Variants in INSM1 observed in about 807,000 individuals in gnomAD.
INSM1 encodes the protein INSM transcriptional repressor 1.
Under a neutral mutation model 21.1 loss-of-function variants are expected in INSM1, and 11 were observed. The observed-to-expected ratio is 0.52, with a 90% CI of 0.33 to 0.86. INSM1 has a LOEUF of 0.86. INSM1 is among the 40% of genes least tolerant of loss of function. INSM1 has a pLI of 0.03. For missense variants in INSM1, 843 were observed against 760.1 expected, an observed-to-expected ratio of 1.11 and a Z score of -1.28; for synonymous variants, 473 against 386.1, an observed-to-expected ratio of 1.23 and a Z score of -2.64.
Position 20,369,188 on chromosome 20 carries a change from G to T in INSM1, c.921G>T (p.Pro307=). 1.3e-6 allele frequency: 2 copies of T among 1,556,554 alleles called. No individual in the cohort carries two copies. Among genetic ancestry groups the T allele is most frequent in the Non-Finnish European group, 8.6e-7 (1 of 1,158,256 alleles). ...AGTGCGCCAAGGTCTTCAGCTGCCC[G>T]GCCAACCTGGCCTCGCACCGCCGCT... ...CPECAKVFSC[P]ANLASHRRWH... The change falls in exon 1 of 1, where the codon CCG becomes CCT. Residue 307 remains proline, a synonymous_variant. Coordinates refer to ENST00000310227, the MANE Select transcript of INSM1 (RefSeq NM_002196.3). This position sits in a 1 kb window ranked among gnomAD's most constrained non-coding sequence, Gnocchi z 5.6.
Position 20,368,382 on chromosome 20 carries a change from G to A in INSM1, c.115G>A (p.Ala39Thr). 9.4e-7 allele frequency: 1 copy of A among 1,064,592 alleles called. No homozygotes were observed. The allele number at this position is 1,064,592 out of a possible 1,614,324, so 65.9% of individuals were successfully genotyped here. ...GCTGCTCTCGCCCAGCTGCGGGGGC[G>A]CCCGCGCCGAGCCCCCGGCGCCGAG... ...ALLLSPSCGG[A>T]RAEPPAPSPV... Residue 39 changes from alanine to threonine, a missense_variant, in exon 1 of 1, where the codon GCC (alanine) becomes ACC (threonine). Transcript: ENST00000310227. The surrounding 1 kb of genome is among the most constrained non-coding windows in gnomAD (Gnocchi z 4.3).
Position 20,369,611 on chromosome 20 carries a change from G to A in INSM1, c.1344G>A (p.Glu448=), listed in dbSNP as rs764643353. Residue 448 remains glutamate, a synonymous_variant, in exon 1 of 1, where the codon GAG becomes GAA. Transcript: ENST00000310227. This position sits in a 1 kb window ranked among gnomAD's most constrained non-coding sequence, Gnocchi z 5.6. ...GCCACCTGTGCCCAGTGTGCGGAGA[G>A]TCGTTCGCCAGCAAGGGCGCTCAGG... ...AECHLCPVCG[E]SFASKGAQER... The A allele has an allele frequency of 1.2e-6, 2 of 1,600,744 alleles. No individual in the cohort carries two copies. The highest frequency in any genetic ancestry group is 2.2e-5 in the South Asian group (2 of 91,032).
At position 20,368,246 on chromosome 20, in the gene INSM1, C is replaced by A; in HGVS notation, c.-22C>A. On this transcript the variant is annotated 5_prime_UTR_variant, in exon 1 of 1. Transcript: ENST00000310227. This position sits in a 1 kb window ranked among gnomAD's most constrained non-coding sequence, Gnocchi z 4.3. ...CGCGGAGGGGGGACCGAGCCAGTGCCGTGCCCTCGGGCCGCGCCAACATGC... is the reference window on the plus strand; with the variant it reads ...CGCGGAGGGGGGACCGAGCCAGTGCAGTGCCCTCGGGCCGCGCCAACATGC... 8.3e-7 allele frequency: 1 copy of A among 1,198,420 alleles called. No homozygotes were observed. The allele number at this position is 1,198,420 out of a possible 1,614,324, so 74.2% of individuals were successfully genotyped here. A position where few individuals can be genotyped will look rare whatever the true frequency, so the allele number is the denominator to read the frequency against.
Position 20,369,320 on chromosome 20 carries a change from G to T in INSM1, c.1053G>T (p.Thr351=). 7.0e-7 allele frequency: 1 copy of T among 1,423,098 alleles called. No individual in the cohort carries two copies. Among genetic ancestry groups the T allele is most frequent in the Non-Finnish European group, 9.1e-7 (1 of 1,100,396 alleles). The allele number at this position is 1,423,098 out of a possible 1,614,324, so 88.2% of individuals were successfully genotyped here. Residue 351 remains threonine, a synonymous_variant, in exon 1 of 1, where the codon ACG becomes ACT. Coordinates refer to ENST00000310227, the MANE Select transcript of INSM1 (RefSeq NM_002196.3). This position sits in a 1 kb window ranked among gnomAD's most constrained non-coding sequence, Gnocchi z 5.6. ...EAPGGGSDRD[T]PSPGGVSESG... is the part of the protein sequence containing the mutation. ...CCGGCGGCGGCAGCGACCGGGACAC[G>T]CCGAGCCCCGGCGGCGTGTCCGAGT...
chr20:20,370,669 T>A lies in INSM1; in HGVS notation c.*869T>A, dbSNP rs1156540682. The A allele has an allele frequency of 6.0e-6, 1 of 167,072 alleles. No individual in the cohort carries two copies. The allele number at this position is 167,072 out of a possible 1,614,324, so 10.3% of individuals were successfully genotyped here. On this transcript the variant is annotated 3_prime_UTR_variant, in exon 1 of 1. Transcript: ENST00000310227. ...TGCCCCCTCCCCACCCTGCCACTCT[T>A]GACATTCCACTGTGCGTTTTAGAAG...
chr20:20,369,589 A>T lies in INSM1; in HGVS notation c.1322A>T (p.His441Leu). The T allele has an allele frequency of 6.3e-7, 1 of 1,599,734 alleles. No homozygotes were observed. The highest frequency in any genetic ancestry group is 8.5e-7 in the Non-Finnish European group (1 of 1,179,262). Reference protein sequence around the residue: ...VLGLSASAECHLCPVCGESFA... With the variant: ...VLGLSASAECLLCPVCGESFA... The stretch of plus-strand genomic sequence containing the variant: ...GGCCTGAGTGCGTCCGCCGAGTGCC[A>T]CCTGTGCCCAGTGTGCGGAGAGTCG... The change falls in exon 1 of 1, where the codon CAC (histidine) becomes CTC (leucine). Residue 441 changes from histidine to leucine, a missense_variant. By Grantham distance (99) the His-to-Leu change is moderately conservative (BLOSUM62 -3). Transcript: ENST00000310227. This position sits in a 1 kb window ranked among gnomAD's most constrained non-coding sequence, Gnocchi z 5.6.
In INSM1 at chr20:20,369,741, C is replaced by A. The variant is rs752000823; in HGVS notation, c.1474C>A (p.His492Asn). The A allele has an allele frequency of 1.2e-6, 2 of 1,603,132 alleles. No individual in the cohort carries two copies. Among genetic ancestry groups the A allele is most frequent in the African/African-American group, 1.3e-5 (1 of 75,004 alleles). ...PGLTRHINKC[H>N]PSENRQVILL... ...CCTTACGCGGCACATCAACAAGTGC[C>A]ACCCATCCGAAAACAGACAGGTGAT... The change falls in exon 1 of 1, where the codon CAC becomes AAC. Residue 492 changes from histidine to asparagine, a missense_variant. Transcript: ENST00000310227. The surrounding 1 kb of genome is among the most constrained non-coding windows in gnomAD (Gnocchi z 5.6).
rs1159564415 is a variant in INSM1 at position 20,369,056 on chromosome 20, G to A, written c.789G>A (p.Pro263=). The change falls in exon 1 of 1, where the codon CCG becomes CCA. Residue 263 remains proline (P), a synonymous_variant. Coordinates refer to ENST00000310227, the MANE Select transcript of INSM1 (RefSeq NM_002196.3). This position sits in a 1 kb window ranked among gnomAD's most constrained non-coding sequence, Gnocchi z 5.6. ...PRGRAGGAAR[P]LGEFICQLCK... ...GCCGCGCGGGGGGCGCGGCGCGGCC[G>A]CTGGGCGAGTTCATCTGCCAGCTGT... is the stretch of plus-strand genomic sequence containing the variant. 3 of 1,564,394 alleles carry A rather than the reference G, an allele frequency of 1.9e-6. No individual in the cohort carries two copies. The highest frequency in any genetic ancestry group is 1.4e-5 in the African/African-American group (1 of 70,928).
rs1327227796 is a variant in INSM1, at chr20:20,369,520, C to T, written c.1253C>T (p.Ala418Val). 4.5e-6 allele frequency: 7 copies of T among 1,551,412 alleles called. No individual in the cohort carries two copies. In the South Asian group the frequency reaches 4.7e-5, roughly 10 times the overall value. Residue 418 changes from alanine to valine, a missense_variant, in exon 1 of 1, where the codon GCG becomes GTG. By Grantham distance (64) the Ala-to-Val change is moderately conservative. Transcript: ENST00000310227. This position sits in a 1 kb window ranked among gnomAD's most constrained non-coding sequence, Gnocchi z 5.6. ...TTGTACCCCGGGCCCGACGAGAAGG[C>T]GCCCCAGGAGGCGGCCGGCGACGGC... ...LALYPGPDEK[A>V]PQEAAGDGEG...
rs1038764184 is a variant in INSM1 at position 20,370,549 on chromosome 20, A to G, written c.*749A>G. ...GACTATCAGTTCCCTCTAAATGTATATGTTGATTTATGAGTAATTGTTATT... is the reference window on the plus strand; with the variant it reads ...GACTATCAGTTCCCTCTAAATGTATGTGTTGATTTATGAGTAATTGTTATT... On this transcript the variant is annotated 3_prime_UTR_variant, in exon 1 of 1. Coordinates refer to ENST00000310227, the MANE Select transcript of INSM1 (RefSeq NM_002196.3). 6.0e-6 allele frequency: 1 copy of G among 167,000 alleles called. No individual in the cohort carries two copies. The highest frequency in any genetic ancestry group is 1.5e-5 in the Non-Finnish European group (1 of 68,116). The allele number at this position is 167,000 out of a possible 1,614,324, so 10.3% of individuals were successfully genotyped here.
Position 20,368,126 on chromosome 20 carries a change from C to A in INSM1, c.-142C>A. The A allele has an allele frequency of 2.0e-6, 1 of 512,636 alleles. No individual in the cohort carries two copies. Among genetic ancestry groups the A allele is most frequent in the Non-Finnish European group, 2.6e-6 (1 of 388,588 alleles). 31.8% of individuals were successfully genotyped at this position (512,636 alleles called of 1,614,324 possible). A position where few individuals can be genotyped will look rare whatever the true frequency, so the allele number is the denominator to read the frequency against. On this transcript the variant is annotated 5_prime_UTR_variant, in exon 1 of 1. Coordinates refer to ENST00000310227, the MANE Select transcript of INSM1 (RefSeq NM_002196.3). This position sits in a 1 kb window ranked among gnomAD's most constrained non-coding sequence, Gnocchi z 4.3. The stretch of plus-strand genomic sequence containing the variant: ...GGGACAGGGACGCGCGTGCAGGGCG[C>A]AGAGCTGGGCCGAGCCGTCGCCGGC...
Position 20,368,984 on chromosome 20 carries a change from C to G in INSM1, c.717C>G (p.Pro239=), listed in dbSNP as rs750450862. ...TCGAGGACGAGGTGACCACGTCGCCCGTGCTGGGGCTCAAGATCAAGGAGG... is the reference window on the plus strand; with the variant it reads ...TCGAGGACGAGGTGACCACGTCGCCGGTGCTGGGGCTCAAGATCAAGGAGG... The part of the protein sequence containing the change: ...LHFEDEVTTS[P]VLGLKIKEGP... The change falls in exon 1 of 1, where the codon CCC becomes CCG. Residue 239 remains proline, a synonymous_variant. Coordinates refer to ENST00000310227, the MANE Select transcript of INSM1 (RefSeq NM_002196.3). This position sits in a 1 kb window ranked among gnomAD's most constrained non-coding sequence, Gnocchi z 4.3. 5.8e-6 allele frequency: 9 copies of G among 1,548,242 alleles called. No individual in the cohort carries two copies. The highest frequency in any genetic ancestry group is 7.8e-6 in the Non-Finnish European group (9 of 1,150,042).
rs767591134 is a variant in INSM1 at position 20,368,647 on chromosome 20, C to T, written c.380C>T (p.Ser127Leu). ...AGCTTCAACCTGGGCTCGCCGGTCT[C>T]GGCCGAGTCCTTCCCCACGCCCGCC... The part of the protein sequence containing the change: ...ERSFNLGSPV[S>L]AESFPTPAAL... Residue 127 changes from serine to leucine, a missense_variant, in exon 1 of 1, where the codon TCG becomes TTG. By Grantham distance (145) the Ser-to-Leu change is moderately radical. Coordinates refer to ENST00000310227, the MANE Select transcript of INSM1 (RefSeq NM_002196.3). This position sits in a 1 kb window ranked among gnomAD's most constrained non-coding sequence, Gnocchi z 4.3. The T allele has an allele frequency of 1.0e-5, 15 of 1,429,856 alleles. No individual in the cohort carries two copies. The highest frequency in any genetic ancestry group is 1.4e-5 in the Non-Finnish European group (15 of 1,075,898). The allele number at this position is 1,429,856 out of a possible 1,614,324, so 88.6% of individuals were successfully genotyped here. A position where few individuals can be genotyped will look rare whatever the true frequency, so the allele number is the denominator to read the frequency against.
chr20:20,369,996 A>AC lies in INSM1; in HGVS notation c.*201dup, dbSNP rs1174363631. 1 of 529,324 alleles carries AC rather than the reference A, an allele frequency of 1.9e-6. No homozygotes were observed. The highest frequency in any genetic ancestry group is 3.2e-5 in the South Asian group (1 of 31,046). The allele number at this position is 529,324 out of a possible 1,614,324, so 32.8% of individuals were successfully genotyped here. On this transcript the variant is annotated 3_prime_UTR_variant, in exon 1 of 1. Transcript: ENST00000310227. The surrounding 1 kb of genome is among the most constrained non-coding windows in gnomAD (Gnocchi z 5.6). ...TACTCTCCTTTTGACTCCTTTTGGA[A>AC]CCCCCACTTTTACGTTGTGTCCCTC...
rs753033859 is a variant in INSM1 at position 20,368,670 on chromosome 20, G to A, written c.403G>A (p.Ala135Thr). The A allele has an allele frequency of 3.8e-5, 53 of 1,394,550 alleles. No homozygotes were observed. Among genetic ancestry groups the A allele is most frequent in the Non-Finnish European group, 4.5e-5 (48 of 1,055,852 alleles). 86.4% of individuals were successfully genotyped at this position (1,394,550 alleles called of 1,614,324 possible). The part of the protein sequence containing the change: ...PVSAESFPTP[A>T]ALLGGGGGGG... ...CTCGGCCGAGTCCTTCCCCACGCCCGCCGCGCTGCTCGGAGGGGGCGGCGG... is the reference window on the plus strand; with the variant it reads ...CTCGGCCGAGTCCTTCCCCACGCCCACCGCGCTGCTCGGAGGGGGCGGCGG... Residue 135 changes from alanine (A) to threonine (T), a missense_variant, in exon 1 of 1, where the codon GCC (alanine) becomes ACC (threonine). Coordinates refer to ENST00000310227, the MANE Select transcript of INSM1 (RefSeq NM_002196.3). This position sits in a 1 kb window ranked among gnomAD's most constrained non-coding sequence, Gnocchi z 4.3.
Position 20,369,113 on chromosome 20 carries a change from G to A in INSM1, c.846G>A (p.Leu282=), listed in dbSNP as rs535185500. The stretch of plus-strand genomic sequence containing the variant: ...AGGAGTACGCCGACCCGTTCGCGCT[G>A]GCGCAGCACAAATGCTCGCGCATCG... ...CKEEYADPFA[L]AQHKCSRIVR... Residue 282 remains leucine, a synonymous_variant, in exon 1 of 1, where the codon CTG becomes CTA. Transcript: ENST00000310227. The surrounding 1 kb of genome is among the most constrained non-coding windows in gnomAD (Gnocchi z 5.6). The A allele has an allele frequency of 2.5e-6, 4 of 1,586,422 alleles. No individual in the cohort carries two copies. In the African/African-American group the frequency reaches 4.2e-5, roughly 17 times the overall value.
Position 20,369,075 on chromosome 20 carries a change from C to T in INSM1, c.808C>T (p.Gln270Ter). 1 of 1,579,650 alleles carries T rather than the reference C, an allele frequency of 6.3e-7. No homozygotes were observed. The highest frequency in any genetic ancestry group is 8.6e-7 in the Non-Finnish European group (1 of 1,167,758). Residue 270 changes from glutamine to a stop codon, truncating the protein, a stop_gained, in exon 1 of 1, where the codon CAG becomes TAG. Transcript: ENST00000310227. LOFTEE classifies it high-confidence loss of function. The surrounding 1 kb of genome is among the most constrained non-coding windows in gnomAD (Gnocchi z 5.6). ...AARPLGEFIC[Q>*]LCKEEYADPF... ...GCGGCCGCTGGGCGAGTTCATCTGCCAGCTGTGCAAGGAGGAGTACGCCGA... is the reference window on the plus strand; with the variant it reads ...GCGGCCGCTGGGCGAGTTCATCTGCTAGCTGTGCAAGGAGGAGTACGCCGA...
rs2059490882 is a variant in INSM1, at chr20:20,369,518, G to A, written c.1251G>A (p.Lys417=). ...CCTTGTACCCCGGGCCCGACGAGAA[G>A]GCGCCCCAGGAGGCGGCCGGCGACG... ...LLALYPGPDE[K]APQEAAGDGE... is the part of the protein sequence containing the mutation. The change falls in exon 1 of 1, where the codon AAG becomes AAA. Residue 417 remains lysine, a synonymous_variant. Transcript: ENST00000310227. The surrounding 1 kb of genome is among the most constrained non-coding windows in gnomAD (Gnocchi z 5.6). 1.3e-6 allele frequency: 2 copies of A among 1,551,356 alleles called. No individual in the cohort carries two copies. Among genetic ancestry groups the A allele is most frequent in the African/African-American group, 1.4e-5 (1 of 73,084 alleles).
At position 20,369,556 on chromosome 20, in the gene INSM1, G is replaced by C; in HGVS notation, c.1289G>C (p.Gly430Ala). The change falls in exon 1 of 1, where the codon GGC becomes GCC. Residue 430 changes from glycine to alanine, a missense_variant. Physicochemically the swap from Gly to Ala is moderately conservative, Grantham distance 60 (BLOSUM62 0). Transcript: ENST00000310227. The surrounding 1 kb of genome is among the most constrained non-coding windows in gnomAD (Gnocchi z 5.6). Reference protein sequence around the residue: ...QEAAGDGEGAGVLGLSASAEC... With the variant: ...QEAAGDGEGAAVLGLSASAEC... The stretch of plus-strand genomic sequence containing the variant: ...GCGGCCGGCGACGGCGAGGGGGCCG[G>C]CGTGCTGGGCCTGAGTGCGTCCGCC... The C allele has an allele frequency of 6.3e-7, 1 of 1,584,158 alleles. No individual in the cohort carries two copies. The highest frequency in any genetic ancestry group is 1.7e-5 in the Admixed American group (1 of 57,876).
Sources: allele counts gnomAD v4.1 joint callset, GRCh38; gene constraint gnomAD v4.1.1; non-coding constraint Gnocchi (gnomAD v3.1); transcripts MANE v1.5; gene names NCBI Gene and HGNC (gene_info 2026-07-23, HGNC 2026-07-21).